The following INTS6 variants were observed in gnomAD, a reference collection of about 807,000 sequenced individuals.
INTS6 encodes the protein integrator complex subunit 6.
Under a neutral mutation model 104.9 loss-of-function variants are expected in INTS6, and 16 were observed. The ratio of observed to expected loss-of-function variants is 0.15; its 90% CI spans 0.10 to 0.23. The LOEUF (loss-of-function observed/expected upper bound fraction) is 0.23. Among genes scored for constraint, INTS6 ranks in the 10% least tolerant of loss-of-function variants. The pLI, the probability that INTS6 is intolerant of heterozygous loss-of-function variation, is 1.00. For synonymous variants in INTS6, 324 were observed against 358.7 expected, an observed-to-expected ratio of 0.90 and a Z score of 1.09; for missense variants, 584 against 1,062.8, an observed-to-expected ratio of 0.55 and a Z score of 6.26.
chr13:51,445,939 A>C (rs935596354), intron 3 of INTS6: 1 of 152,248 alleles, frequency 6.6e-6, no homozygotes, highest in Admixed American at 6.5e-5. Context: ...TTCAAAATAG[A>C]TTAAAGATCT....
chr13:51,429,762 TCAAAAAA>T (rs1957052627), intron 4 of INTS6, among the ~76,000 whole-genome samples: 1 of 12,914 alleles, frequency 7.7e-5, no homozygotes, highest in African/African-American at 7.7e-4. Flanking sequence ...AGACTCTGTC[TCAAAAAA>T]AAAAAAAAAA....
chr13:51,433,623 A>T (rs1287172313), intron 3 of INTS6, among the ~76,000 whole-genome samples: 1 of 152,256 alleles, frequency 6.6e-6, no homozygotes, highest in Non-Finnish European at 1.5e-5. Flanking sequence ...CCGAAAGGTA[A>T]TACTTTTTAA....
At chr13:51,367,038 G>A (rs1955706223) in intron 17 of INTS6, among the ~76,000 whole-genome samples, 1 of 151,798 alleles carries the variant, frequency 6.6e-6, no homozygotes, top group South Asian at 2.1e-4. Context: ...TATGGATGGG[G>A]GATTTATTCT....
At position 51,363,922 on chromosome 13, in the gene INTS6, A is replaced by G. The variant is rs1457659451; in HGVS notation, c.*1830T>C. 1 of 189,952 alleles carries G rather than the reference A, an allele frequency of 5.3e-6. No individual in the cohort carries two copies. Among genetic ancestry groups the G allele is most frequent in the East Asian group, 1.2e-4 (1 of 8,248 alleles). The allele number at this position is 189,952 out of a possible 1,614,324, so 11.8% of individuals were successfully genotyped here. A position where few individuals can be genotyped will look rare whatever the true frequency, so the allele number is the denominator to read the frequency against. ...GAAAATAAAACTTTCTGATAAGGAA[A>G]GCTGCTCAATATTGGGATGGGCTGA... On this transcript the variant is annotated 3_prime_UTR_variant, in exon 18 of 18. Transcript: ENST00000311234.
intron 4 of INTS6, among the ~76,000 whole-genome samples, chr13:51,400,645 T>C (rs1223443317): frequency 1.3e-5 from 2 of 151,956 alleles, no homozygotes; most frequent in Non-Finnish European, 2.9e-5. Flanking sequence ...CAGTATTACA[T>C]GGAAGGAAAA....
chr13:51,389,018 G>C (rs879867045), intron 6 of INTS6, among the ~76,000 whole-genome samples: 1 of 152,228 alleles, frequency 6.6e-6, no homozygotes, highest in Admixed American at 6.5e-5. Flanking sequence ...TATATGTTGA[G>C]AGGCAATTGT....
At chr13:51,419,196 A>AT (rs1956850638) in intron 4 of INTS6, among the ~76,000 whole-genome samples, 1 of 152,182 alleles carries the variant, frequency 6.6e-6, no homozygotes, top group African/African-American at 2.4e-5. Context: ...GTGAAAACAG[A>AT]TGAGGTGCCA....
chr13:51,392,238 G>A (rs994209269), intron 5 of INTS6, among the ~76,000 whole-genome samples: 1 of 152,178 alleles, frequency 6.6e-6, no homozygotes, highest in Non-Finnish European at 1.5e-5. Context: ...ATCATACTTG[G>A]AATATAAAAA....
At chr13:51,425,548 C>G (rs1956969581) in intron 4 of INTS6, among the ~76,000 whole-genome samples, 1 of 151,996 alleles carries the variant, frequency 6.6e-6, no homozygotes, top group Non-Finnish European at 1.5e-5. Flanking sequence ...TTAGCACTTT[C>G]AAGGAAGAGA....
chr13:51,426,486 T>A (rs1472582673), intron 4 of INTS6, among the ~76,000 whole-genome samples: 2 of 152,066 alleles, frequency 1.3e-5, no homozygotes, highest in Non-Finnish European at 2.9e-5. Context: ...AAAATGAAAT[T>A]ATACTATAAA....
intron 5 of INTS6, among the ~76,000 whole-genome samples, chr13:51,392,599 C>CT (rs1215024817): frequency 6.6e-6 from 1 of 152,138 alleles, no homozygotes; most frequent in Non-Finnish European, 1.5e-5. Flanking sequence ...GTAATTAACT[C>CT]CATTATTCAG....
At chr13:51,430,489 A>C (rs540407615) in intron 3 of INTS6, 106 bp from the exon 4 acceptor site, 1 of 744,694 alleles carries the variant, frequency 1.3e-6, no homozygotes, top group African/African-American at 1.7e-5. Context: ...TTCTAGTTTC[A>C]TTTTACATGT....
In INTS6 at chr13:51,362,138, T is replaced by A. The variant is rs936757272; in HGVS notation, c.*3614A>T. On this transcript the variant is annotated 3_prime_UTR_variant, in exon 18 of 18. Transcript: ENST00000311234. ...TCAGCTCATATATAGTTAATGTAGATTTTTTTTTTTAATGCTATAGGTTTC... is the reference window on the plus strand; with the variant it reads ...TCAGCTCATATATAGTTAATGTAGAATTTTTTTTTTAATGCTATAGGTTTC... 1,150 of 712,454 alleles carry A rather than the reference T, an allele frequency of 1.6e-3. 3 individuals carry two copies. The highest frequency in any genetic ancestry group is 2.5e-3 in the South Asian group (61 of 24,532). 44.1% of individuals were successfully genotyped at this position (712,454 alleles called of 1,614,324 possible). A position where few individuals can be genotyped will look rare whatever the true frequency, so the allele number is the denominator to read the frequency against.
chr13:51,347,033 C>T, the INTS6 span: 1 of 1,579,474 alleles, frequency 6.3e-7, no homozygotes, highest in South Asian at 1.2e-5. Context: ...AGGTGGGGGC[C>T]CCAGTGAGGG....
chr13:51,366,504 C>T (rs1179565663), intron 17 of INTS6, among the ~76,000 whole-genome samples: 1 of 152,000 alleles, frequency 6.6e-6, no homozygotes, highest in Non-Finnish European at 1.5e-5. Flanking sequence ...TATCCCAAGA[C>T]ACTGGACATT....
intron 3 of INTS6, among the ~76,000 whole-genome samples, chr13:51,432,135 G>C (rs958909435): frequency 1.3e-5 from 2 of 151,994 alleles, no homozygotes; most frequent in African/African-American, 4.8e-5. Context: ...TTTCCACGAA[G>C]CCTTCCCTGA....
intron 4 of INTS6, 168 bp downstream of exon 4, chr13:51,430,126 A>T: frequency 1.8e-6 from 1 of 541,168 alleles, no homozygotes; most frequent in Non-Finnish European, 3.3e-6. Context: ...TTCTTATTCA[A>T]GAAAATAAGA....
chr13:51,374,861 T>C, intron 13 of INTS6, 65 bp from the exon 14 acceptor site: 1 of 1,513,368 alleles, frequency 6.6e-7, no homozygotes, highest in Non-Finnish European at 9.1e-7. Context: ...AATGTTTCCT[T>C]ATATATGAAT....
chr13:51,399,679 G>C (rs1249921706), intron 4 of INTS6, among the ~76,000 whole-genome samples: 1 of 151,766 alleles, frequency 6.6e-6, no homozygotes, highest in African/African-American at 2.4e-5. Flanking sequence ...ACTTAGTTTT[G>C]GCTGTCTTTT....
Sources: gnomAD v4.1 joint callset for allele counts (sites outside exome capture counted in the v4.1 genomes callset) on GRCh38, gnomAD v4.1.1 for gene constraint, MANE v1.5 for transcripts, NCBI Gene and HGNC (gene_info 2026-07-23, HGNC 2026-07-21) for gene names.